GYPB: variants seen among roughly 807,000 people sequenced by gnomAD.
GYPB encodes the protein glycophorin-B.
In GYPB, 13 loss-of-function variants were observed where a neutral mutation model predicts 15.3. The ratio of observed to expected loss-of-function variants is 0.85; its 90% CI spans 0.55 to 1.35. The LOEUF (loss-of-function observed/expected upper bound fraction) is 1.35. Ranked by LOEUF, GYPB falls within the 40% of genes most tolerant of loss-of-function variation. The pLI is 0.00. For missense variants in GYPB, 131 were observed against 108.3 expected (o/e 1.21, Z -0.93); for synonymous variants, 38 against 36.9 (o/e 1.03, Z -0.11).
intron 1 of GYPB, among the ~76,000 whole-genome samples, chr4:144,014,569 T>C (rs1728394452): frequency 1.3e-5 from 2 of 151,342 alleles, no homozygotes; most frequent in South Asian, 4.1e-4. Flanking sequence ...ATATGAAATA[T>C]CTAAAATGGG....
intron 1 of GYPB, chr4:144,016,743 G>T: frequency 2.6e-6 from 1 of 379,300 alleles, no homozygotes; most frequent in South Asian, 2.0e-5. Flanking sequence ...TTGGTTCTTA[G>T]CTTCAGAATC....
chr4:144,011,198 G>T (rs993794546), intron 1 of GYPB, among the ~76,000 whole-genome samples: 46 of 151,118 alleles, frequency 3.0e-4, no homozygotes, highest in Admixed American at 1.3e-3. Flanking sequence ...TGGGCAACAC[G>T]GTGAAACCCC....
chr4:144,008,615 A>T (rs1160001163), intron 1 of GYPB, among the ~76,000 whole-genome samples: 1 of 151,584 alleles, frequency 6.6e-6, no homozygotes, highest in Non-Finnish European at 1.5e-5. Flanking sequence ...ACCTGTGTCC[A>T]CTTTAGTCTA....
At chr4:144,001,691 G>T (rs1415284055) in intron 1 of GYPB, among the ~76,000 whole-genome samples, 1 of 151,196 alleles carries the variant, frequency 6.6e-6, no homozygotes, top group Admixed American at 6.6e-5. Flanking sequence ...TATATGTTGG[G>T]TATTATTGTT....
At chr4:144,002,393 C>G (rs1222263846) in intron 1 of GYPB, among the ~76,000 whole-genome samples, 2 of 151,476 alleles carry the variant, frequency 1.3e-5, no homozygotes, top group African/African-American at 2.5e-5. Flanking sequence ...ACAGATATCC[C>G]TATGCTGTCA....
intron 1 of GYPB, among the ~76,000 whole-genome samples, chr4:144,004,662 G>T (rs1579055555): frequency 6.7e-6 from 1 of 149,416 alleles, no homozygotes; most frequent in East Asian, 1.9e-4. Context: ...AAATGCTAAA[G>T]CTTCATTCAA....
intron 1 of GYPB, among the ~76,000 whole-genome samples, chr4:144,018,353 G>A (rs879746365): frequency 6.7e-6 from 1 of 149,672 alleles, no homozygotes; most frequent in Non-Finnish European, 1.5e-5. Context: ...CTCCCCTAGG[G>A]TATCTTAGAA....
chr4:143,997,455 T>C (rs1443195130), intron 4 of GYPB, 85 bp downstream of exon 4: 10 of 776,884 alleles, frequency 1.3e-5, no homozygotes, highest in Non-Finnish European at 2.1e-5. Flanking sequence ...GTTTCTCTTC[T>C]GAGTTTAACT....
intron 1 of GYPB, 69 bp from the exon 2 acceptor site, chr4:144,001,352 A>G (rs1727617532): frequency 1.2e-6 from 2 of 1,611,596 alleles, no homozygotes; most frequent in Non-Finnish European, 8.5e-7. Flanking sequence ...AGCATATCAC[A>G]AAAGACAAAT....
intron 1 of GYPB, among the ~76,000 whole-genome samples, chr4:144,014,911 C>T (rs1031029728): frequency 5.3e-5 from 8 of 151,420 alleles, no homozygotes; most frequent in African/African-American, 2.0e-4. Context: ...GGAACCTAAC[C>T]TGCTGTATAT....
chr4:144,006,059 G>C (rs1411133828), intron 1 of GYPB, among the ~76,000 whole-genome samples: 2 of 151,502 alleles, frequency 1.3e-5, no homozygotes, highest in Non-Finnish European at 2.9e-5. Context: ...GGTATGTTTT[G>C]TCATATTAGT....
chr4:144,002,956 C>G lies in GYPB; in HGVS notation c.38-1673G>C, dbSNP rs528050256. ...TATAAACGATTGCCATATGAATTCT[C>G]CAAATAGCATGCAAAACAATTACTG... is the stretch of plus-strand genomic sequence containing the variant. On this transcript the variant is annotated intron_variant, in intron 1 of 4. Coordinates refer to ENST00000502664, the MANE Select transcript of GYPB (RefSeq NM_002100.6). Among the ~76,000 whole-genome samples the G allele has an allele frequency of 5.4e-4, 81 of 151,136 alleles. 4 individuals are homozygous for G. The highest frequency in any genetic ancestry group is 1.9e-3 in the African/African-American group (76 of 40,498).
Position 144,010,701 on chromosome 4 carries a change from A to C in GYPB, c.37+8550T>G, listed in dbSNP as rs1484519864. ...CTGGCTGCCAGATCAATAGCGTATG[A>C]CATACCTGAAATGCACTCACGGCCC... On this transcript the variant is annotated intron_variant, in intron 1 of 4. Coordinates refer to ENST00000502664, the MANE Select transcript of GYPB (RefSeq NM_002100.6). 3.3e-5 allele frequency among the ~76,000 whole-genome samples: 5 copies of C among 151,264 alleles called. 1 individual carries two copies. Among genetic ancestry groups the C allele is most frequent in the African/African-American group, 1.2e-4 (5 of 40,554 alleles).
chr4:144,014,671 G>A (rs1728398987), intron 1 of GYPB, among the ~76,000 whole-genome samples: 3 of 151,374 alleles, frequency 2.0e-5, no homozygotes, highest in South Asian at 4.1e-4. Context: ...TCCTTCTGGA[G>A]TGATGAAAAT....
chr4:144,015,206 T>C (rs1728427774), intron 1 of GYPB, among the ~76,000 whole-genome samples: 1 of 151,458 alleles, frequency 6.6e-6, no homozygotes, highest in South Asian at 2.1e-4. Context: ...GCAGAAAATT[T>C]AGAAAGTATT....
intron 1 of GYPB, among the ~76,000 whole-genome samples, chr4:144,009,683 C>A (rs9998909): frequency 2.2e-5 from 3 of 139,104 alleles, no homozygotes; most frequent in Admixed American, 2.1e-4. Flanking sequence ...GCCCGATCTC[C>A]GCTCACTGCA....
chr4:144,015,753 T>G (rs1012877980), intron 1 of GYPB, among the ~76,000 whole-genome samples: 4 of 151,330 alleles, frequency 2.6e-5, no homozygotes, highest in Non-Finnish European at 4.4e-5. Flanking sequence ...CCATGCTAAA[T>G]ATATTTACAG....
Position 144,001,682 on chromosome 4 carries a change from A to G in GYPB, c.38-399T>C, listed in dbSNP as rs554259980. ...ACTTGACACATAAAGAGCATTACAT[A>G]TATGTTGGGTATTATTGTTATTATG... On this transcript the variant is annotated intron_variant, in intron 1 of 4. Coordinates refer to ENST00000502664, the MANE Select transcript of GYPB (RefSeq NM_002100.6). Among the ~76,000 whole-genome samples, 94 of 151,392 alleles carry G rather than the reference A, an allele frequency of 6.2e-4. 1 individual carries two copies. Among genetic ancestry groups the G allele is most frequent in the Middle Eastern group, 6.8e-3 (2 of 294 alleles).
chr4:144,003,781 A>G (rs553312652), intron 1 of GYPB, among the ~76,000 whole-genome samples: 4 of 151,466 alleles, frequency 2.6e-5, no homozygotes, highest in South Asian at 2.1e-4. Context: ...TTGTACCGAA[A>G]TGAAGGCTGA....
Sources: gnomAD v4.1 joint callset for allele counts (sites outside exome capture counted in the v4.1 genomes callset) on GRCh38, gnomAD v4.1.1 for gene constraint, MANE v1.5 for transcripts, NCBI Gene and HGNC (gene_info 2026-07-23, HGNC 2026-07-21) for gene names.